BMPR1B: variants seen among roughly 807,000 people sequenced by gnomAD.
BMPR1B encodes the protein bone morphogenetic protein receptor type-1B.
Under a neutral mutation model 59.1 loss-of-function variants are expected in BMPR1B, and 12 were observed. That is an observed-to-expected ratio of 0.20 (90% CI 0.13 to 0.33). The LOEUF (loss-of-function observed/expected upper bound fraction) is 0.33. Ranked by LOEUF, BMPR1B falls within the 10% of genes least tolerant of loss-of-function variation. The pLI is 1.00. For missense variants in BMPR1B, 550 were observed against 610.9 expected (o/e 0.90, Z 1.05); for synonymous variants, 237 against 207.3 (o/e 1.14, Z -1.23).
chr4:95,071,103 ATTG>A (rs1345870020), intron 3 of BMPR1B, among the ~76,000 whole-genome samples: 1 of 152,158 alleles, frequency 6.6e-6, no homozygotes, highest in African/African-American at 2.4e-5. Context: ...AAAAATTTTA[ATTG>A]TTGTATTCTT....
At chr4:94,916,567 G>T (rs1005070031) in intron 2 of BMPR1B, among the ~76,000 whole-genome samples, 1 of 152,210 alleles carries the variant, frequency 6.6e-6, no homozygotes, top group Non-Finnish European at 1.5e-5. Flanking sequence ...TGTTCACCAT[G>T]TGGCCTGGCT....
intron 4 of BMPR1B, among the ~76,000 whole-genome samples, chr4:95,108,357 C>T (rs1399497562): frequency 6.6e-6 from 1 of 152,044 alleles, no homozygotes; most frequent in Non-Finnish European, 1.5e-5. Flanking sequence ...AAGGGCTGGT[C>T]TAAATTGTCT....
intron 3 of BMPR1B, among the ~76,000 whole-genome samples, chr4:95,018,955 T>G (rs899448742): frequency 1.3e-5 from 2 of 152,322 alleles, no homozygotes; most frequent in African/African-American, 2.4e-5. Flanking sequence ...ATAATCCTTG[T>G]CAGCAATGTC....
At chr4:95,121,438 G>A (rs991305486) in intron 6 of BMPR1B, among the ~76,000 whole-genome samples, 2 of 152,158 alleles carry the variant, frequency 1.3e-5, no homozygotes. Context: ...TTATTGTTTA[G>A]TAAGATAGTA....
intron 1 of BMPR1B, among the ~76,000 whole-genome samples, chr4:94,856,260 C>T (rs1446606266): frequency 6.6e-6 from 1 of 152,172 alleles, no homozygotes; most frequent in Non-Finnish European, 1.5e-5. Flanking sequence ...GGGCAGCCCT[C>T]CATCTGCTGC....
chr4:94,794,478 C>T (rs967274737), intron 1 of BMPR1B, among the ~76,000 whole-genome samples: 2 of 140,994 alleles, frequency 1.4e-5, no homozygotes, highest in Non-Finnish European at 3.1e-5. Flanking sequence ...GTTCTTTTGG[C>T]TTAGGATTGA....
intron 2 of BMPR1B, among the ~76,000 whole-genome samples, chr4:94,939,329 A>G (rs1039326348): frequency 6.6e-6 from 1 of 152,214 alleles, no homozygotes; most frequent in Non-Finnish European, 1.5e-5. Flanking sequence ...CAGTAATCCA[A>G]CACTGTAAGT....
intron 3 of BMPR1B, among the ~76,000 whole-genome samples, chr4:95,072,918 C>A (rs1434084462): frequency 1.3e-5 from 2 of 152,066 alleles, no homozygotes; most frequent in African/African-American, 4.8e-5. Flanking sequence ...TAAGCATAAT[C>A]ATTTTCTTGA....
chr4:95,076,351 C>A (rs1445338902), intron 3 of BMPR1B, among the ~76,000 whole-genome samples: 1 of 152,034 alleles, frequency 6.6e-6, no homozygotes, highest in Non-Finnish European at 1.5e-5. Flanking sequence ...AAGTTATAAT[C>A]TAGTCTTTAA....
intron 2 of BMPR1B, among the ~76,000 whole-genome samples, chr4:94,921,759 C>T (rs755703656): frequency 5.3e-5 from 8 of 152,036 alleles, no homozygotes; most frequent in Non-Finnish European, 1.2e-4. Context: ...ATAAATACAA[C>T]CTATTTCACT....
chr4:94,996,842 C>A (rs1371899246), intron 3 of BMPR1B, among the ~76,000 whole-genome samples: 1 of 152,140 alleles, frequency 6.6e-6, no homozygotes, highest in Non-Finnish European at 1.5e-5. Flanking sequence ...ATTAATAGTT[C>A]TTTTTCTCCT....
Position 95,125,020 on chromosome 4 carries a change from G to A in BMPR1B, c.484G>A (p.Gly162Arg). ...RQETRPRYSI[G>R]LEQDETYIPP... Reference sequence around the variant, plus strand: ...AGAAACCAGACCTCGATACAGCATTGGGTTAGAACAGGATGAAACTTACAT... The same window carrying A: ...AGAAACCAGACCTCGATACAGCATTAGGTTAGAACAGGATGAAACTTACAT... Residue 162 changes from glycine to arginine, a missense_variant, in exon 8 of 13, where the codon GGG becomes AGG. Physicochemically the swap from Gly to Arg is moderately radical, Grantham distance 125. Around this residue, in one of 6 missense-constraint regions of BMPR1B, gnomAD observed 318 missense variants for 284.6 expected, o/e 1.12. Coordinates refer to ENST00000515059, the MANE Select transcript of BMPR1B (RefSeq NM_001203.3). 1 of 1,613,504 alleles carries A rather than the reference G, an allele frequency of 6.2e-7. No individual in the cohort carries two copies. Among genetic ancestry groups the A allele is most frequent in the Non-Finnish European group, 8.5e-7 (1 of 1,179,532 alleles).
In BMPR1B at chr4:94,787,655, A is replaced by G. The variant is rs116223515; in HGVS notation, c.-183+29587A>G. ...GGTTTAACCACGTCTTTGGTTCTTC[A>G]TTTGCTTTAAGAATGGCTCCCATGT... On this transcript the variant is annotated intron_variant, in intron 1 of 12. Coordinates refer to ENST00000515059, the MANE Select transcript of BMPR1B (RefSeq NM_001203.3). 4.2e-3 allele frequency among the ~76,000 whole-genome samples: 643 copies of G among 152,312 alleles called. 5 individuals are homozygous for G. The highest frequency in any genetic ancestry group is 0.015 in the African/African-American group (624 of 41,560).
chr4:94,952,768 G>C (rs1223132383), intron 2 of BMPR1B, among the ~76,000 whole-genome samples: 1 of 151,990 alleles, frequency 6.6e-6, no homozygotes, highest in Non-Finnish European at 1.5e-5. Context: ...GTAGATGTCT[G>C]TTAGGTCTGC....
intron 1 of BMPR1B, among the ~76,000 whole-genome samples, chr4:94,761,968 A>G (rs1721789919): frequency 6.6e-6 from 1 of 152,180 alleles, no homozygotes; most frequent in South Asian, 2.1e-4. Context: ...GTGAAAATAA[A>G]ACTTTTTAGG....
intron 3 of BMPR1B, among the ~76,000 whole-genome samples, chr4:95,034,976 G>T (rs1221981723): frequency 1.3e-5 from 2 of 151,776 alleles, no homozygotes; most frequent in Non-Finnish European, 2.9e-5. Flanking sequence ...GATCATTTTT[G>T]CAGGAGTAAG....
intron 2 of BMPR1B, among the ~76,000 whole-genome samples, chr4:94,971,585 ACT>A (rs1429786505): frequency 6.6e-6 from 1 of 151,468 alleles, no homozygotes; most frequent in Admixed American, 6.6e-5. Context: ...AAATCTAATA[ACT>A]CTTTTTCCTC....
At chr4:94,758,556 G>A (rs1721622336) in intron 1 of BMPR1B, among the ~76,000 whole-genome samples, 1 of 152,070 alleles carries the variant, frequency 6.6e-6, no homozygotes, top group South Asian at 2.1e-4. Flanking sequence ...AGCCCAGGCG[G>A]GACCCGCAGG....
At chr4:94,969,565 T>C (rs1730693013) in intron 2 of BMPR1B, among the ~76,000 whole-genome samples, 1 of 152,250 alleles carries the variant, frequency 6.6e-6, no homozygotes, top group South Asian at 2.1e-4. Flanking sequence ...CCTGATTATT[T>C]TAAAAATATT....
Sources: allele counts gnomAD v4.1 joint callset (sites outside exome capture counted in the v4.1 genomes callset), GRCh38; gene constraint gnomAD v4.1.1; regional missense constraint gnomAD v4.1.1; transcripts MANE v1.5; gene names NCBI Gene and HGNC (gene_info 2026-07-23, HGNC 2026-07-21).